The following ARNT variants were observed in gnomAD, a reference collection of about 807,000 sequenced individuals.
The protein encoded by ARNT is class E basic helix-loop-helix protein 2.
A neutral mutation model predicts 105.0 loss-of-function variants in ARNT; 30 were observed. The ratio of observed to expected loss-of-function variants is 0.29; its 90% CI spans 0.21 to 0.39. ARNT has a LOEUF of 0.39. Ranked by LOEUF, ARNT falls within the 10% of genes least tolerant of loss-of-function variation. ARNT has a pLI of 1.00. For synonymous variants in ARNT, 304 were observed against 344.0 expected, an observed-to-expected ratio of 0.88 and a Z score of 1.29; for missense variants, 748 against 978.7, an observed-to-expected ratio of 0.76 and a Z score of 3.15.
At chr1:150,826,175 A>C (rs1557871965) in intron 13 of ARNT, among the ~76,000 whole-genome samples, 1 of 152,194 alleles carries the variant, frequency 6.6e-6, no homozygotes, top group Non-Finnish European at 1.5e-5. Context: ...TCAGCCTCCC[A>C]GAGTGCTGGG....
At chr1:150,839,785 G>T in intron 5 of ARNT, 131 bp from the exon 6 acceptor site, 2 of 976,468 alleles carry the variant, frequency 2.0e-6, no homozygotes, top group Non-Finnish European at 3.0e-6. Flanking sequence ...TTAAGTCTCA[G>T]CAGTTAAAAT....
At chr1:150,848,708 T>C (rs970375140) in intron 3 of ARNT, among the ~76,000 whole-genome samples, 1 of 151,976 alleles carries the variant, frequency 6.6e-6, no homozygotes, top group East Asian at 1.9e-4. Flanking sequence ...TTTGTAACAT[T>C]TTTTGTACAG....
chr1:150,865,482 T>G (rs1206552079), intron 1 of ARNT, among the ~76,000 whole-genome samples: 1 of 152,180 alleles, frequency 6.6e-6, no homozygotes, highest in Non-Finnish European at 1.5e-5. Context: ...TCCAGGTAAC[T>G]CTGGGTATGC....
intron 19 of ARNT, 53 bp from the exon 20 acceptor site, chr1:150,814,292 C>A: frequency 6.4e-7 from 1 of 1,558,784 alleles, no homozygotes; most frequent in Non-Finnish European, 8.8e-7. Flanking sequence ...AACATCATTG[C>A]ACATACCATG....
At chr1:150,860,684 C>T (rs587664884) in intron 1 of ARNT, among the ~76,000 whole-genome samples, 2 of 151,456 alleles carry the variant, frequency 1.3e-5, no homozygotes, top group South Asian at 4.2e-4. Flanking sequence ...GGTGAAATCC[C>T]ATCTCTACTA....
intron 13 of ARNT, among the ~76,000 whole-genome samples, chr1:150,824,692 T>G (rs1657840133): frequency 6.6e-6 from 1 of 151,816 alleles, no homozygotes. Flanking sequence ...TGACCTCAAA[T>G]GATCCGCCTG....
chr1:150,863,534 A>G (rs2102372040), intron 1 of ARNT, among the ~76,000 whole-genome samples: 1 of 152,234 alleles, frequency 6.6e-6, no homozygotes. Context: ...TGGGCCTTAA[A>G]AAAAGTAAAG....
chr1:150,858,529 TTAGC>T, intron 1 of ARNT, 69 bp from the exon 2 acceptor site: 1 of 1,261,534 alleles, frequency 7.9e-7, no homozygotes, highest in Non-Finnish European at 1.1e-6. Flanking sequence ...TATCATCAAG[TTAGC>T]TAAAAGAAAG....
At chr1:150,870,715 C>T (rs1173195717) in intron 1 of ARNT, among the ~76,000 whole-genome samples, 1 of 151,914 alleles carries the variant, frequency 6.6e-6, no homozygotes, top group African/African-American at 2.4e-5. Context: ...CACCACGTTG[C>T]CCAGGCTGGT....
At chr1:150,812,840 A>G (rs1655002958) in intron 21 of ARNT, 1 of 202,264 alleles carries the variant, frequency 4.9e-6, no homozygotes, top group Non-Finnish European at 1.0e-5. Flanking sequence ...GTTAAATGGT[A>G]TGTATCACAC....
intron 1 of ARNT, among the ~76,000 whole-genome samples, chr1:150,871,378 G>A (rs931693486): frequency 7.1e-6 from 1 of 141,674 alleles, no homozygotes; most frequent in East Asian, 2.2e-4. Flanking sequence ...TCAGCTCACT[G>A]CAACCACCAC....
At chr1:150,824,085 C>T (rs1416926240) in intron 13 of ARNT, among the ~76,000 whole-genome samples, 2 of 151,890 alleles carry the variant, frequency 1.3e-5, no homozygotes, top group Non-Finnish European at 1.5e-5. Flanking sequence ...TCGGGATCCG[C>T]CTGCCTCGGC....
At chr1:150,853,079 G>A (rs587770879) in intron 2 of ARNT, 6 of 408,032 alleles carry the variant, frequency 1.5e-5, no homozygotes, top group Admixed American at 3.9e-5. Flanking sequence ...TCAGGAGTTC[G>A]AGATCAGCCT....
intron 3 of ARNT, among the ~76,000 whole-genome samples, chr1:150,849,865 G>A (rs1662990937): frequency 6.6e-6 from 1 of 152,166 alleles, no homozygotes; most frequent in African/African-American, 2.4e-5. Context: ...AAGAGTTCAA[G>A]ACCAGTCTGG....
At chr1:150,832,899 T>C (rs1452302493) in intron 8 of ARNT, among the ~76,000 whole-genome samples, 3 of 152,232 alleles carry the variant, frequency 2.0e-5, no homozygotes, top group Non-Finnish European at 4.4e-5. Context: ...GCATTAGCCA[T>C]GTCCACATAT....
At chr1:150,816,530 A>G in intron 18 of ARNT, 124 bp from the exon 19 acceptor site, 1 of 1,240,262 alleles carries the variant, frequency 8.1e-7, no homozygotes, top group South Asian at 1.6e-5. Flanking sequence ...GGAAAATTTG[A>G]TAACAATTTG....
At chr1:150,828,973 T>C (rs760306490) in intron 12 of ARNT, 120 bp downstream of exon 12, 14 of 1,189,030 alleles carry the variant, frequency 1.2e-5, no homozygotes, top group Non-Finnish European at 1.6e-5. Flanking sequence ...TAACAGAATA[T>C]GATGATCTCT....
chr1:150,813,670 G>A (rs1655218052), intron 20 of ARNT, among the ~76,000 whole-genome samples: 2 of 151,238 alleles, frequency 1.3e-5, no homozygotes, highest in African/African-American at 4.9e-5. Flanking sequence ...TTGAGACGGA[G>A]TTTCACTCTT....
chr1:150,832,976 G>A (rs1275726338), intron 8 of ARNT, among the ~76,000 whole-genome samples: 1 of 152,058 alleles, frequency 6.6e-6, no homozygotes, highest in Non-Finnish European at 1.5e-5. Flanking sequence ...AACTTACATA[G>A]GGTTAATATG....
Sources: allele counts gnomAD v4.1 joint callset (sites outside exome capture counted in the v4.1 genomes callset), GRCh38; gene constraint gnomAD v4.1.1; transcripts MANE v1.5; gene names NCBI Gene and HGNC (gene_info 2026-07-23, HGNC 2026-07-21).